Variants in TNRC6A observed in about 807,000 individuals in gnomAD.
TNRC6A encodes the protein trinucleotide repeat-containing gene 6A protein.
TNRC6A carries 44 observed loss-of-function variants against 221.2 expected under a neutral mutation model. The ratio of observed to expected loss-of-function variants is 0.20; its 90% CI spans 0.16 to 0.26. The LOEUF (loss-of-function observed/expected upper bound fraction) is 0.26. Among genes scored for constraint, TNRC6A ranks in the 10% least tolerant of loss-of-function variants. TNRC6A has a pLI of 1.00. For missense variants in TNRC6A, 2,199 were observed against 2,404.4 expected (o/e 0.91, Z 1.79); for synonymous variants, 847 against 838.5 (o/e 1.01, Z -0.18).
rs531192759 is a variant in TNRC6A at position 24,735,080 on chromosome 16, A to C, written c.53+4780A>C. 2.6e-5 allele frequency among the ~76,000 whole-genome samples: 4 copies of C among 152,316 alleles called. No homozygotes were observed. The East Asian group carries it at 5.8e-4, about 22-fold the overall frequency. ...GTGGATCATTTGAGGTCAGGAATTC[A>C]AGACCAGCTTGGCCAACATGGTGAG... On this transcript the variant is annotated intron_variant, in intron 2 of 24. Coordinates refer to ENST00000395799, the MANE Select transcript of TNRC6A (RefSeq NM_014494.4).
intron 4 of TNRC6A, among the ~76,000 whole-genome samples, chr16:24,768,432 C>CAAAAA (rs35193077): frequency 4.5e-5 from 4 of 89,130 alleles, no homozygotes; most frequent in Non-Finnish European, 8.8e-5. Flanking sequence ...GACTCTGTCT[C>CAAAAA]AAAAAAAAAA....
At chr16:24,802,733 A>G (rs1391650556) in intron 11 of TNRC6A, among the ~76,000 whole-genome samples, 1 of 152,210 alleles carries the variant, frequency 6.6e-6, no homozygotes, top group African/African-American at 2.4e-5. Flanking sequence ...GAGAGAGTCA[A>G]AAGACTGAGA....
At chr16:24,675,659 A>ACTCTCTCTCTCTCTCTCT (rs71381700) in intron 2 of TNRC6A, among the ~76,000 whole-genome samples, 1 of 37,554 alleles carries the variant, frequency 2.7e-5, no homozygotes, top group East Asian at 1.4e-3. Flanking sequence ...CCAGCCAGAG[A>ACTCTCTCTCTCTCTCTCT]CTCTCTCTCT....
At chr16:24,820,630 A>T (rs1567525673) in intron 22 of TNRC6A, among the ~76,000 whole-genome samples, 1 of 152,236 alleles carries the variant, frequency 6.6e-6, no homozygotes, top group Non-Finnish European at 1.5e-5. Context: ...GGCTTAAACC[A>T]CATCACATGG....
intron 2 of TNRC6A, among the ~76,000 whole-genome samples, chr16:24,675,684 CTCTCTCTCTCTCTCTCTCTATATATA>C (rs1347998781): frequency 1.2e-5 from 1 of 81,652 alleles, no homozygotes; most frequent in Non-Finnish European, 2.3e-5. Flanking sequence ...CTCTCTCTCT[CTCTCTCTCTCTCTCTCTCTATATATA>C]TATATATATA....
intron 1 of TNRC6A, among the ~76,000 whole-genome samples, chr16:24,627,933 G>A (rs1265228015): frequency 6.6e-6 from 1 of 150,642 alleles, no homozygotes. Context: ...TCCTGACCTC[G>A]TGATCTGCCC....
chr16:24,629,689 T>C (rs903790523), intron 1 of TNRC6A, among the ~76,000 whole-genome samples: 2 of 152,262 alleles, frequency 1.3e-5, no homozygotes, highest in East Asian at 3.9e-4. Flanking sequence ...TGTAGTAAAA[T>C]ACACATAGAC....
chr16:24,801,765 GTGCTCAGC>G (rs1297321989), intron 11 of TNRC6A, among the ~76,000 whole-genome samples: 1 of 152,152 alleles, frequency 6.6e-6, no homozygotes, highest in Non-Finnish European at 1.5e-5. Flanking sequence ...GTTAGCCACC[GTGCTCAGC>G]TGCTACTACT....
intron 2 of TNRC6A, among the ~76,000 whole-genome samples, chr16:24,682,230 ATT>A (rs35017542): frequency 1.6e-3 from 230 of 147,356 alleles, no homozygotes; most frequent in African/African-American, 5.1e-3. Flanking sequence ...GACTTGTTTG[ATT>A]TTTTTTTTTT....
chr16:24,653,969 A>G (rs1447360663), intron 2 of TNRC6A, among the ~76,000 whole-genome samples: 1 of 152,166 alleles, frequency 6.6e-6, no homozygotes, highest in East Asian at 1.9e-4. Flanking sequence ...CAGTGGCGCA[A>G]TCATAGCCCA....
At chr16:24,668,036 CAT>C (rs1167358294) in intron 2 of TNRC6A, among the ~76,000 whole-genome samples, 1 of 150,358 alleles carries the variant, frequency 6.7e-6, no homozygotes, top group East Asian at 2.0e-4. Flanking sequence ...TAAAACATTA[CAT>C]ATATATAGGC....
intron 2 of TNRC6A, among the ~76,000 whole-genome samples, chr16:24,740,742 C>A (rs531776492): frequency 6.6e-6 from 1 of 152,154 alleles, no homozygotes; most frequent in Non-Finnish European, 1.5e-5. Context: ...TCACCACCAT[C>A]CACCTCTGCA....
At chr16:24,805,521 C>G (rs946814934) in intron 14 of TNRC6A, 84 bp from the exon 15 acceptor site, 26 of 1,553,676 alleles carry the variant, frequency 1.7e-5, no homozygotes, top group Middle Eastern at 1.7e-4. Flanking sequence ...TTTAACTGCT[C>G]TATTGACAAC....
At chr16:24,673,972 C>T (rs887863102) in intron 2 of TNRC6A, among the ~76,000 whole-genome samples, 1 of 152,246 alleles carries the variant, frequency 6.6e-6, no homozygotes, top group Non-Finnish European at 1.5e-5. Flanking sequence ...AGGTAACATT[C>T]TCAGAAGAGC....
intron 2 of TNRC6A, among the ~76,000 whole-genome samples, chr16:24,718,351 C>T (rs535842586): frequency 2.0e-5 from 3 of 152,156 alleles, no homozygotes; most frequent in Non-Finnish European, 2.9e-5. Context: ...GTACTTGACT[C>T]ACATCTGTAT....
At chr16:24,724,096 T>C (rs2151103194) in intron 2 of TNRC6A, among the ~76,000 whole-genome samples, 1 of 152,302 alleles carries the variant, frequency 6.6e-6, no homozygotes, top group East Asian at 1.9e-4. Flanking sequence ...TTAGGTAAAT[T>C]AAGACATAAT....
At chr16:24,804,909 T>A in intron 13 of TNRC6A, 58 bp downstream of exon 13, 4 of 1,613,430 alleles carry the variant, frequency 2.5e-6, no homozygotes, top group Non-Finnish European at 3.4e-6. Context: ...AGTAATAAGA[T>A]CTCTCTTACA....
chr16:24,628,732 A>G (rs1901171340), intron 1 of TNRC6A, among the ~76,000 whole-genome samples: 1 of 152,216 alleles, frequency 6.6e-6, no homozygotes, highest in Non-Finnish European at 1.5e-5. Context: ...GCTTGCAGTC[A>G]ATAGTAGTCT....
In TNRC6A at chr16:24,800,481, G is replaced by A. The variant is rs116283788; in HGVS notation, c.3694+2515G>A. On this transcript the variant is annotated intron_variant, in intron 11 of 24. Coordinates refer to ENST00000395799, the MANE Select transcript of TNRC6A (RefSeq NM_014494.4). ...TGCTGTGACATGAGCTCCTCAGTAA[G>A]ACATGATGGCTGTGAAGAGTGCCGA... Among the ~76,000 whole-genome samples the A allele has an allele frequency of 8.6e-3, 1,313 of 152,328 alleles. 22 individuals are homozygous for A. The highest frequency in any genetic ancestry group is 0.03 in the African/African-American group (1,247 of 41,562).
Sources: allele counts gnomAD v4.1 joint callset (sites outside exome capture counted in the v4.1 genomes callset), GRCh38; gene constraint gnomAD v4.1.1; transcripts MANE v1.5; gene names NCBI Gene and HGNC (gene_info 2026-07-23, HGNC 2026-07-21).